The following NEGR1 variants were observed in gnomAD, a reference collection of about 807,000 sequenced individuals.
NEGR1 encodes the protein neuronal growth regulator 1.
In NEGR1, 10 loss-of-function variants were observed where a neutral mutation model predicts 40.9. The ratio of observed to expected loss-of-function variants is 0.24; its 90% confidence interval spans 0.15 to 0.42. The LOEUF is 0.42. Ranked by LOEUF, NEGR1 falls within the 10% of genes least tolerant of loss-of-function variation. The pLI is 1.00. For missense variants in NEGR1, 352 were observed against 438.9 expected, an observed-to-expected ratio of 0.80 and a Z score of 1.77; for synonymous variants, 185 against 166.8, an observed-to-expected ratio of 1.11 and a Z score of -0.84.
At chr1:71,664,456 T>G (rs1002441722) in intron 4 of NEGR1, among the ~76,000 whole-genome samples, 2 of 152,206 alleles carry the variant, frequency 1.3e-5, no homozygotes, top group Non-Finnish European at 2.9e-5. Context: ...TTTTACAATT[T>G]CCAGTTTTCC....
chr1:71,505,345 T>A (rs1292021460), intron 6 of NEGR1, among the ~76,000 whole-genome samples: 1 of 151,974 alleles, frequency 6.6e-6, no homozygotes, highest in Non-Finnish European at 1.5e-5. Flanking sequence ...GCAGTGGCGC[T>A]ATCTTGGCTC....
chr1:71,768,491 G>A (rs191541261), intron 3 of NEGR1, among the ~76,000 whole-genome samples: 5 of 152,136 alleles, frequency 3.3e-5, no homozygotes, highest in East Asian at 3.9e-4. Context: ...GAGTATTTAC[G>A]CAATGCCTAT....
intron 3 of NEGR1, among the ~76,000 whole-genome samples, chr1:71,769,614 C>G (rs534515087): frequency 1.1e-4 from 16 of 152,148 alleles, no homozygotes; most frequent in Non-Finnish European, 1.5e-4. Context: ...TGGCACTTCT[C>G]TTTGATGCCA....
Position 71,952,656 on chromosome 1 carries a change from C to A in NEGR1, c.177-17345G>T, listed in dbSNP as rs141117411. On this transcript the variant is annotated intron_variant, in intron 1 of 6. Coordinates refer to ENST00000357731, the MANE Select transcript of NEGR1 (RefSeq NM_173808.3). ...CATCAGATTTTCAGTGCAGATAAAA[C>A]TGCCTTTTATTGGAAGAAGGTGCCA... Among the ~76,000 whole-genome samples the A allele has an allele frequency of 1.0e-2, 1,519 of 152,060 alleles. 17 individuals are homozygous for A. The highest frequency in any genetic ancestry group is 0.014 in the Non-Finnish European group (947 of 67,866).
At chr1:72,181,454 T>G (rs1652366114) in intron 1 of NEGR1, among the ~76,000 whole-genome samples, 1 of 152,056 alleles carries the variant, frequency 6.6e-6, no homozygotes, top group African/African-American at 2.4e-5. Flanking sequence ...CGTATACTCT[T>G]GGGGTGGGAA....
intron 5 of NEGR1, among the ~76,000 whole-genome samples, chr1:71,600,601 A>T (rs1271517926): frequency 2.6e-5 from 4 of 152,194 alleles, no homozygotes; most frequent in Non-Finnish European, 4.4e-5. Flanking sequence ...GAGGCCTGAA[A>T]GAGAGAGCTC....
chr1:71,402,138 T>C lies in NEGR1; in HGVS notation c.*5308A>G, dbSNP rs926830662. Reference sequence around the variant, plus strand: ...CAAATTGGGAACATTTTTCATTGCATATTTGGCTCAGATCTGCCACTTAGT... The same window carrying C: ...CAAATTGGGAACATTTTTCATTGCACATTTGGCTCAGATCTGCCACTTAGT... On this transcript the variant is annotated 3_prime_UTR_variant, in exon 7 of 7. Coordinates refer to ENST00000357731, the MANE Select transcript of NEGR1 (RefSeq NM_173808.3). 1 of 152,176 alleles carries C rather than the reference T, an allele frequency of 6.6e-6. No individual in the cohort carries two copies. Among genetic ancestry groups the C allele is most frequent in the African/African-American group, 2.4e-5 (1 of 41,454 alleles). 9.4% of individuals were successfully genotyped at this position (152,176 alleles called of 1,614,324 possible).
chr1:71,942,484 T>TATATATATATATATA (rs34446850), intron 1 of NEGR1, among the ~76,000 whole-genome samples: 61 of 4,702 alleles, frequency 0.013, 2 homozygotes, highest in Admixed American at 0.022. Flanking sequence ...TATATATATA[T>TATATATATATATATA]TTTTTTTTTT....
intron 6 of NEGR1, among the ~76,000 whole-genome samples, chr1:71,474,555 C>T (rs1018009751): frequency 1.3e-5 from 2 of 149,022 alleles, no homozygotes; most frequent in South Asian, 2.1e-4. Flanking sequence ...CACACACACA[C>T]ACACAATTAG....
At chr1:72,066,485 CCTT>C (rs1426043341) in intron 1 of NEGR1, among the ~76,000 whole-genome samples, 1 of 152,064 alleles carries the variant, frequency 6.6e-6, no homozygotes, top group Non-Finnish European at 1.5e-5. Context: ...TGATTTGTGT[CCTT>C]CTGAAAAATG....
chr1:72,248,607 T>TATC (rs200140738), intron 1 of NEGR1, among the ~76,000 whole-genome samples: 3,612 of 147,116 alleles, frequency 0.025, 152 homozygotes, highest in African/African-American at 0.086. Context: ...TTATTATTAT[T>TATC]ATTATTATTT....
intron 2 of NEGR1, among the ~76,000 whole-genome samples, chr1:71,865,169 A>G (rs1660075243): frequency 6.6e-6 from 1 of 152,172 alleles, no homozygotes; most frequent in Admixed American, 6.6e-5. Context: ...TATAAAGTAG[A>G]TCATATCTGA....
At chr1:71,469,926 A>G (rs1381171223) in intron 6 of NEGR1, among the ~76,000 whole-genome samples, 3 of 152,158 alleles carry the variant, frequency 2.0e-5, no homozygotes, top group Non-Finnish European at 2.9e-5. Flanking sequence ...AAGAGCAGAT[A>G]TGTTAACCAA....
At chr1:72,138,046 A>C (rs1487387333) in intron 1 of NEGR1, among the ~76,000 whole-genome samples, 1 of 151,922 alleles carries the variant, frequency 6.6e-6, no homozygotes. Context: ...ATCACACTCC[A>C]AGATATGCTG....
intron 4 of NEGR1, among the ~76,000 whole-genome samples, chr1:71,674,586 GCACACACA>G (rs3220087): frequency 8.2e-5 from 12 of 146,904 alleles, no homozygotes; most frequent in Middle Eastern, 3.4e-3. Context: ...TGCTGGGAGG[GCACACACA>G]CACACACACA....
chr1:71,417,273 A>G (rs956976144), intron 6 of NEGR1, among the ~76,000 whole-genome samples: 10 of 152,214 alleles, frequency 6.6e-5, no homozygotes, highest in African/African-American at 2.4e-4. Context: ...CATTTGATCA[A>G]GTGTTTGGTA....
chr1:72,217,327 A>C (rs1040285331), intron 1 of NEGR1, among the ~76,000 whole-genome samples: 6 of 152,018 alleles, frequency 3.9e-5, no homozygotes, highest in Non-Finnish European at 7.4e-5. Flanking sequence ...TTAAAATTGA[A>C]CTTTTTCAAC....
At chr1:71,814,977 A>G (rs1181048319) in intron 2 of NEGR1, among the ~76,000 whole-genome samples, 1 of 151,912 alleles carries the variant, frequency 6.6e-6, no homozygotes, top group Non-Finnish European at 1.5e-5. Context: ...TTGGTTCCCT[A>G]GTTATTTTAG....
chr1:71,612,801 A>C (rs895766921), intron 4 of NEGR1, among the ~76,000 whole-genome samples: 1 of 152,214 alleles, frequency 6.6e-6, no homozygotes, highest in East Asian at 1.9e-4. Context: ...AACAGCTTGC[A>C]GTAAGACACT....
Sources: allele counts gnomAD v4.1 joint callset (sites outside exome capture counted in the v4.1 genomes callset), GRCh38; gene constraint gnomAD v4.1.1; transcripts MANE v1.5; gene names NCBI Gene and HGNC (gene_info 2026-07-23, HGNC 2026-07-21).